The following ICA1L variants were observed in gnomAD, a reference collection of about 807,000 sequenced individuals.
The protein encoded by ICA1L is islet cell autoantigen 1-like protein.
ICA1L carries 50 observed loss-of-function variants against 61.3 expected under a neutral mutation model. That is an observed-to-expected ratio of 0.82 (90% CI 0.65 to 1.03). The LOEUF (loss-of-function observed/expected upper bound fraction) is 1.03. Among genes scored for constraint, ICA1L ranks in the 50% least tolerant of loss-of-function variants. The probability of loss-of-function intolerance (pLI) is 0.00; values close to 1 mark genes in which losing one functional copy is unlikely to be tolerated. For synonymous variants in ICA1L, 161 were observed against 191.3 expected, an observed-to-expected ratio of 0.84 and a Z score of 1.31; for missense variants, 508 against 556.7, an observed-to-expected ratio of 0.91 and a Z score of 0.88.
intron 10 of ICA1L, among the ~76,000 whole-genome samples, chr2:202,795,761 G>T (rs1029886365): frequency 1.3e-5 from 2 of 151,948 alleles, no homozygotes; most frequent in African/African-American, 4.8e-5. Flanking sequence ...TTATATAAAG[G>T]GCTGGGCGCG....
chr2:202,869,578 A>G (rs1351762571), intron 1 of ICA1L: 1 of 152,176 alleles, frequency 6.6e-6, no homozygotes, highest in African/African-American at 2.4e-5. Context: ...TTTATTGGAA[A>G]TGTTTTATTT....
At chr2:202,836,834 C>T (rs10178995) in intron 1 of ICA1L, among the ~76,000 whole-genome samples, 131,845 of 149,030 alleles carry the variant, frequency 0.88, 58,985 homozygotes, top group Middle Eastern at 0.95. Context: ...GATATAGATA[C>T]AGATATATAG....
chr2:202,848,377 C>T (rs953199575), intron 1 of ICA1L, among the ~76,000 whole-genome samples: 2 of 152,176 alleles, frequency 1.3e-5, no homozygotes, highest in African/African-American at 2.4e-5. Flanking sequence ...GGAACCGAAA[C>T]AAGTTTACTG....
In ICA1L at chr2:202,774,228, GC is replaced by G; in HGVS notation, c.*5304del. The G allele has an allele frequency of 6.5e-7, 1 of 1,549,050 alleles. No individual in the cohort carries two copies. Among genetic ancestry groups the G allele is most frequent in the Non-Finnish European group, 8.7e-7 (1 of 1,146,036 alleles). On this transcript the variant is annotated 3_prime_UTR_variant, in exon 13 of 13. Coordinates refer to ENST00000358299, the MANE Select transcript of ICA1L (RefSeq NM_001288622.3). Reference sequence around the variant, plus strand: ...AGCGCCGGATCGAAGGCGCGGGGCGGCTCCTGAGTCTTCTCGCTCCTGTCGG... The same window carrying G: ...AGCGCCGGATCGAAGGCGCGGGGCGGTCCTGAGTCTTCTCGCTCCTGTCGG...
Position 202,776,643 on chromosome 2 carries a change from G to A in ICA1L, c.*2890C>T, listed in dbSNP as rs569271730. ...TAACTAATCTTGAGAAAATACGAAT[G>A]TGGTTACCTTCATCTTAATATAGTT... On this transcript the variant is annotated 3_prime_UTR_variant, in exon 13 of 13. Coordinates refer to ENST00000358299, the MANE Select transcript of ICA1L (RefSeq NM_001288622.3). 1.3e-5 allele frequency: 2 copies of A among 152,328 alleles called. No homozygotes were observed. The highest frequency in any genetic ancestry group is 3.9e-4 in the East Asian group (2 of 5,188). The allele number at this position is 152,328 out of a possible 1,614,324, so 9.4% of individuals were successfully genotyped here. A position where few individuals can be genotyped will look rare whatever the true frequency, so the allele number is the denominator to read the frequency against.
chr2:202,830,835 A>C (rs939467041), intron 1 of ICA1L, among the ~76,000 whole-genome samples: 5 of 152,164 alleles, frequency 3.3e-5, no homozygotes, highest in Non-Finnish European at 7.3e-5. Flanking sequence ...ACACAGTACA[A>C]AACAAGAAGA....
chr2:202,782,034 T>C (rs539985482), intron 12 of ICA1L, among the ~76,000 whole-genome samples: 1 of 152,304 alleles, frequency 6.6e-6, no homozygotes, highest in East Asian at 1.9e-4. Flanking sequence ...AATGAACGAA[T>C]TTTAAAGTTG....
At chr2:202,870,023 CTGT>C (rs1687650807) in intron 1 of ICA1L, among the ~76,000 whole-genome samples, 1 of 152,242 alleles carries the variant, frequency 6.6e-6, no homozygotes, top group Admixed American at 6.5e-5. Flanking sequence ...CATATCCCAT[CTGT>C]TGTTGTTAAA....
At position 202,773,636 on chromosome 2, in the gene ICA1L, A is replaced by G; in HGVS notation, c.*5897T>C. 1 of 673,710 alleles carries G rather than the reference A, an allele frequency of 1.5e-6. No homozygotes were observed. The highest frequency in any genetic ancestry group is 1.9e-5 in the South Asian group (1 of 52,558). 41.7% of individuals were successfully genotyped at this position (673,710 alleles called of 1,614,324 possible). A position where few individuals can be genotyped will look rare whatever the true frequency, so the allele number is the denominator to read the frequency against. ...CTCAAAGCAAAGCCTCTTTCCCACA[A>G]ACTAAATTCCATCCATTTGAGCTTT... is the stretch of plus-strand genomic sequence containing the variant. On this transcript the variant is annotated 3_prime_UTR_variant, in exon 13 of 13. Transcript: ENST00000358299.
rs536882129 is a variant in ICA1L at position 202,817,509 on chromosome 2, A to G, written c.593T>C (p.Phe198Ser). The G allele has an allele frequency of 6.2e-7, 1 of 1,610,732 alleles. No individual in the cohort carries two copies. Among genetic ancestry groups the G allele is most frequent in the Non-Finnish European group, 8.5e-7 (1 of 1,177,872 alleles). ...ACAAACATCCATCTTTAACTTGTCA[A>G]AAGAAGCTTTGCTATTTCTCACTTG... ...QMQVRNSKAS[F>S]DKLKMDVCQK... The change falls in exon 6 of 13, where the codon TTT (phenylalanine) becomes TCT (serine). Residue 198 changes from phenylalanine (F) to serine (S), a missense_variant. Phe to Ser is a radical substitution (Grantham distance 155). Transcript: ENST00000358299.
chr2:202,828,967 C>T lies in ICA1L; in HGVS notation c.43G>A (p.Val15Ile). Residue 15 changes from valine (V) to isoleucine (I), a missense_variant, in exon 2 of 13, where the codon GTA (valine) becomes ATA (isoleucine). Coordinates refer to ENST00000358299, the MANE Select transcript of ICA1L (RefSeq NM_001288622.3). Reference protein sequence around the residue: ...GQPRPEDNQSVVRRMQKKYWK... With the variant: ...GQPRPEDNQSIVRRMQKKYWK... Reference sequence around the variant, plus strand: ...TATTTCTTTTGCATTCTTCTGACTACTGACTGATTATCTTCTGGTCTGGGT... The same window carrying T: ...TATTTCTTTTGCATTCTTCTGACTATTGACTGATTATCTTCTGGTCTGGGT... 6.2e-7 allele frequency: 1 copy of T among 1,606,978 alleles called. No individual in the cohort carries two copies. The highest frequency in any genetic ancestry group is 8.5e-7 in the Non-Finnish European group (1 of 1,176,760).
intron 5 of ICA1L, among the ~76,000 whole-genome samples, chr2:202,819,097 C>T (rs1322652544): frequency 3.3e-5 from 5 of 152,206 alleles, no homozygotes; most frequent in Admixed American, 1.3e-4. Context: ...CACTTAATAG[C>T]TGGCCCAGAG....
Position 202,788,970 on chromosome 2 carries a change from C to A in ICA1L, c.1103G>T (p.Cys368Phe), listed in dbSNP as rs1692669153. 1 of 1,613,992 alleles carries A rather than the reference C, an allele frequency of 6.2e-7. No individual in the cohort carries two copies. The highest frequency in any genetic ancestry group is 1.7e-5 in the Admixed American group (1 of 60,000). ...ACTGGGGCTCCCAAAGGCAGTCTGG[C>A]ATTCTTGGGTAAATTCACTAGTACT... ...SSSTSEFTQE[C>F]QTAFGSPSAS... The change falls in exon 11 of 13, where the codon TGC becomes TTC. Residue 368 changes from cysteine to phenylalanine, a missense_variant. Cys to Phe is a radical substitution (Grantham distance 205). Transcript: ENST00000358299.
Position 202,849,745 on chromosome 2 carries a change from G to C in ICA1L, c.-7-20729C>G, listed in dbSNP as rs1301374317. On this transcript the variant is annotated intron_variant, in intron 1 of 12. Coordinates refer to ENST00000358299, the MANE Select transcript of ICA1L (RefSeq NM_001288622.3). This position sits in a 1 kb window ranked among gnomAD's most constrained non-coding sequence, Gnocchi z 4.5. ...TGTTCCTGCCTGCTGGCTCTGAAGA[G>C]AGCATCTGATCCTGACAAGGAGGAT... 6.6e-6 allele frequency among the ~76,000 whole-genome samples: 1 copy of C among 152,232 alleles called. No individual in the cohort carries two copies. Among genetic ancestry groups the C allele is most frequent in the African/African-American group, 2.4e-5 (1 of 41,450 alleles).
At chr2:202,842,267 G>A (rs999620916) in intron 1 of ICA1L, among the ~76,000 whole-genome samples, 4 of 152,124 alleles carry the variant, frequency 2.6e-5, no homozygotes, top group African/African-American at 9.7e-5. Flanking sequence ...TATACTTTTA[G>A]ATGTTTTTGT....
chr2:202,861,003 G>A (rs2105888801), intron 1 of ICA1L, among the ~76,000 whole-genome samples: 1 of 152,190 alleles, frequency 6.6e-6, no homozygotes, highest in South Asian at 2.1e-4. Flanking sequence ...GCCGAGGTAG[G>A]TGGATCACCT....
Position 202,774,578 on chromosome 2 carries a change from A to AG in ICA1L, c.*4954dup. On this transcript the variant is annotated 3_prime_UTR_variant, in exon 13 of 13. Transcript: ENST00000358299. ...TGTAATATACTCACAGGTCCTAGAGAGACCAGTCACTGCATGCTGAGAGGG... is the reference window on the plus strand; with the variant it reads ...TGTAATATACTCACAGGTCCTAGAGAGGACCAGTCACTGCATGCTGAGAGGG... 3.1e-6 allele frequency: 1 copy of AG among 326,614 alleles called. No homozygotes were observed. Among genetic ancestry groups the AG allele is most frequent in the Non-Finnish European group, 5.5e-6 (1 of 181,368 alleles). The allele number at this position is 326,614 out of a possible 1,614,324, so 20.2% of individuals were successfully genotyped here.
intron 6 of ICA1L, among the ~76,000 whole-genome samples, chr2:202,817,160 T>G (rs947892857): frequency 6.6e-6 from 1 of 152,178 alleles, no homozygotes; most frequent in African/African-American, 2.4e-5. Context: ...TTTTGCCTCT[T>G]CAACATTCCC....
chr2:202,806,821 T>C lies in ICA1L; in HGVS notation c.910+4925A>G, dbSNP rs191058087. On this transcript the variant is annotated intron_variant, in intron 9 of 12. Transcript: ENST00000358299. The stretch of plus-strand genomic sequence containing the variant: ...AGACAACTGAGAGAGCCATAAATGA[T>C]GTTTTAAAAAGCCAGGATCCAAACT... 9.2e-5 allele frequency among the ~76,000 whole-genome samples: 14 copies of C among 152,310 alleles called. No homozygotes were observed. The East Asian group carries it at 2.5e-3, about 27-fold the overall frequency.
Sources: gnomAD v4.1 joint callset for allele counts (sites outside exome capture counted in the v4.1 genomes callset) on GRCh38, gnomAD v4.1.1 for gene constraint, Gnocchi (gnomAD v3.1) non-coding constraint, MANE v1.5 for transcripts, NCBI Gene and HGNC (gene_info 2026-07-23, HGNC 2026-07-21) for gene names.